BLVRA: variants seen among roughly 807,000 people sequenced by gnomAD.
The protein encoded by BLVRA is BVR A.
BLVRA carries 22 observed loss-of-function variants against 32.8 expected under a neutral mutation model. That is an observed-to-expected ratio of 0.67 (90% CI 0.48 to 0.96). BLVRA has a LOEUF of 0.96. BLVRA is among the 40% of genes least tolerant of loss of function. The probability of loss-of-function intolerance (pLI) is 0.00; values close to 1 mark genes in which losing one functional copy is unlikely to be tolerated. For missense variants in BLVRA, 323 were observed against 358.1 expected, an observed-to-expected ratio of 0.90 and a Z score of 0.79; for synonymous variants, 119 against 141.3, an observed-to-expected ratio of 0.84 and a Z score of 1.12.
intron 1 of BLVRA, chr7:43,767,269 C>A: frequency 1.1e-6 from 1 of 931,198 alleles, no homozygotes; most frequent in Non-Finnish European, 1.7e-6. Context: ...CACCGAGCAC[C>A]TGTGCCAGCA....
intron 1 of BLVRA, among the ~76,000 whole-genome samples, chr7:43,769,125 T>C (rs1382749080): frequency 6.6e-6 from 1 of 151,974 alleles, no homozygotes; most frequent in East Asian, 1.9e-4. Context: ...ATTCCTGGGC[T>C]CAAGTAATCC....
At chr7:43,784,598 C>CTTTTT (rs5883874) in intron 2 of BLVRA, among the ~76,000 whole-genome samples, 6 of 85,266 alleles carry the variant, frequency 7.0e-5, no homozygotes, top group Non-Finnish European at 1.0e-4. Flanking sequence ...TCACTCATAT[C>CTTTTT]TTTTTTTTTT....
At chr7:43,770,935 A>C (rs983348610) in intron 1 of BLVRA, among the ~76,000 whole-genome samples, 1 of 152,146 alleles carries the variant, frequency 6.6e-6, no homozygotes, top group Non-Finnish European at 1.5e-5. Context: ...GTGACATCCC[A>C]GGGAAGTCAG....
intron 2 of BLVRA, among the ~76,000 whole-genome samples, chr7:43,781,443 T>C (rs1363921310): frequency 1.3e-5 from 2 of 152,172 alleles, no homozygotes; most frequent in Non-Finnish European, 2.9e-5. Context: ...GCCTCCCGTT[T>C]CAAGCAATTC....
At position 43,772,276 on chromosome 7, in the gene BLVRA, G is replaced by C. The variant is rs550156076; in HGVS notation, c.12+1106G>C. 3.9e-5 allele frequency among the ~76,000 whole-genome samples: 6 copies of C among 152,324 alleles called. No individual in the cohort carries two copies. In the South Asian group the frequency reaches 1.2e-3, roughly 32 times the overall value. On this transcript the variant is annotated intron_variant, in intron 2 of 7. Transcript: ENST00000265523. ...GCAAGATGGCTGCAGTGGCAGTTGG[G>C]GCCACATATGTTCGCATTCCCTTTC...
At chr7:43,782,807 T>A (rs1195356352) in intron 2 of BLVRA, among the ~76,000 whole-genome samples, 1 of 152,036 alleles carries the variant, frequency 6.6e-6, no homozygotes, top group African/African-American at 2.4e-5. Flanking sequence ...TTGAAGAAGG[T>A]CCAGGTAAGG....
At chr7:43,769,620 T>C (rs563675983) in intron 1 of BLVRA, among the ~76,000 whole-genome samples, 5 of 151,570 alleles carry the variant, frequency 3.3e-5, no homozygotes, top group South Asian at 2.1e-4. Flanking sequence ...TTTTTTTTTT[T>C]CTTTGAGACA....
chr7:43,779,628 C>T (rs2095766368), intron 2 of BLVRA, among the ~76,000 whole-genome samples: 2 of 152,196 alleles, frequency 1.3e-5, no homozygotes, highest in South Asian at 4.1e-4. Context: ...CTCTGACCTC[C>T]TTATCTGAAG....
chr7:43,805,132 T>C (rs550307082), intron 7 of BLVRA, among the ~76,000 whole-genome samples: 5 of 152,208 alleles, frequency 3.3e-5, no homozygotes, highest in African/African-American at 1.2e-4. Context: ...GTAAAGATAC[T>C]GTAGGGTGCT....
intron 2 of BLVRA, among the ~76,000 whole-genome samples, chr7:43,778,312 T>C (rs1310707624): frequency 6.6e-6 from 1 of 152,184 alleles, no homozygotes; most frequent in East Asian, 1.9e-4. Context: ...GATGTACAGA[T>C]GGGTTTTTGG....
intron 2 of BLVRA, among the ~76,000 whole-genome samples, chr7:43,776,548 T>C (rs1214031735): frequency 2.0e-5 from 3 of 152,134 alleles, no homozygotes; most frequent in Non-Finnish European, 4.4e-5. Context: ...TTCTGAGGAG[T>C]GCTTTACTTC....
chr7:43,797,569 C>T (rs1268062881), intron 5 of BLVRA, among the ~76,000 whole-genome samples: 1 of 152,194 alleles, frequency 6.6e-6, no homozygotes, highest in African/African-American at 2.4e-5. Context: ...ATGAAACCTG[C>T]AGGATCTCTG....
chr7:43,794,222 C>G (rs2095789304), intron 5 of BLVRA, among the ~76,000 whole-genome samples: 2 of 151,522 alleles, frequency 1.3e-5, no homozygotes, highest in African/African-American at 4.9e-5. Flanking sequence ...AGAGTGAGAC[C>G]CTGTCTCAAA....
At chr7:43,804,119 A>C (rs2095801690) in intron 7 of BLVRA, among the ~76,000 whole-genome samples, 2 of 152,250 alleles carry the variant, frequency 1.3e-5, no homozygotes, top group South Asian at 4.1e-4. Flanking sequence ...AAGTCATGCA[A>C]GTCATTCATA....
chr7:43,786,068 G>A (rs190970441), intron 2 of BLVRA, among the ~76,000 whole-genome samples: 2 of 152,096 alleles, frequency 1.3e-5, no homozygotes, highest in Non-Finnish European at 2.9e-5. Flanking sequence ...TTGTCTAAAC[G>A]TTTCAACTAA....
intron 7 of BLVRA, among the ~76,000 whole-genome samples, chr7:43,805,088 A>G (rs529006654): frequency 6.6e-6 from 1 of 152,120 alleles, no homozygotes; most frequent in African/African-American, 2.4e-5. Flanking sequence ...GGTCAGACCT[A>G]TACACAGACA....
intron 2 of BLVRA, among the ~76,000 whole-genome samples, chr7:43,771,589 C>T (rs1585714998): frequency 6.6e-6 from 1 of 152,336 alleles, no homozygotes; most frequent in East Asian, 1.9e-4. Context: ...TTTTACCCAT[C>T]AGCCCCTTCC....
intron 2 of BLVRA, among the ~76,000 whole-genome samples, chr7:43,779,982 T>C (rs2095766888): frequency 6.6e-6 from 1 of 152,070 alleles, no homozygotes; most frequent in Non-Finnish European, 1.5e-5. Context: ...CATGCGATTC[T>C]CCCACCTCAG....
At chr7:43,803,933 G>T in intron 7 of BLVRA, 86 bp downstream of exon 7, 1 of 1,506,024 alleles carries the variant, frequency 6.6e-7, no homozygotes, top group Non-Finnish European at 9.1e-7. Context: ...GCCCCGAGGG[G>T]CTAGACCCTC....
Sources: allele counts gnomAD v4.1 joint callset (sites outside exome capture counted in the v4.1 genomes callset), GRCh38; gene constraint gnomAD v4.1.1; transcripts MANE v1.5; gene names NCBI Gene and HGNC (gene_info 2026-07-23, HGNC 2026-07-21).